PTPRD: variants seen among roughly 807,000 people sequenced by gnomAD.
PTPRD encodes protein tyrosine phosphatase receptor type D.
In PTPRD, 34 loss-of-function variants were observed where a neutral mutation model predicts 214.5. The observed-to-expected ratio is 0.16, with a 90% CI of 0.12 to 0.21. The LOEUF is 0.21. Among genes scored for constraint, PTPRD ranks in the 10% least tolerant of loss-of-function variants. The pLI is 1.00. For missense variants in PTPRD, 2,545 were observed against 2,398.7 expected (o/e 1.06, Z -1.27); for synonymous variants, 1,128 against 845.7 (o/e 1.33, Z -5.79).
intron 8 of PTPRD, among the ~76,000 whole-genome samples, chr9:9,571,317 TTC>T (rs1453709407): frequency 1.3e-5 from 2 of 151,362 alleles, no homozygotes; most frequent in African/African-American, 4.8e-5. Flanking sequence ...TCTCTCTCTC[TTC>T]TCTCTCTATA....
chr9:8,834,632 A>C (rs2097372884), intron 11 of PTPRD, among the ~76,000 whole-genome samples: 2 of 152,198 alleles, frequency 1.3e-5, no homozygotes, highest in African/African-American at 4.8e-5. Context: ...TGTTCACAGC[A>C]ATAGTATGAG....
intron 2 of PTPRD, among the ~76,000 whole-genome samples, chr9:10,526,180 A>G (rs1480630396): frequency 1.3e-5 from 2 of 152,204 alleles, no homozygotes; most frequent in East Asian, 3.9e-4. Context: ...GTCAATACCA[A>G]CTAAGTCTTT....
chr9:9,942,980 G>C (rs2091876581), intron 4 of PTPRD, among the ~76,000 whole-genome samples: 1 of 150,776 alleles, frequency 6.6e-6, no homozygotes, highest in Non-Finnish European at 1.5e-5. Context: ...CGGTGCCACA[G>C]TGCCCTCTGG....
intron 2 of PTPRD, among the ~76,000 whole-genome samples, chr9:10,504,341 C>A (rs550647961): frequency 1.4e-4 from 21 of 151,980 alleles, no homozygotes; most frequent in Middle Eastern, 3.4e-3. Flanking sequence ...ATTTAAATAT[C>A]TAGATTAAAT....
Position 8,436,467 on chromosome 9 carries a change from T to C in PTPRD, c.4086+125A>G, listed in dbSNP as rs757382522. The stretch of plus-strand genomic sequence containing the variant: ...TTAAGTTGACGGTTCATTATACATT[T>C]TTATATCATATTTGAGTCATATTTA... On this transcript the variant is annotated intron_variant, in intron 35 of 45. Transcript: ENST00000381196. 2.5e-5 allele frequency: 17 copies of C among 675,286 alleles called. No homozygotes were observed. In the African/African-American group the frequency reaches 3.1e-4, roughly 12 times the overall value. The allele number at this position is 675,286 out of a possible 1,614,324, so 41.8% of individuals were successfully genotyped here.
chr9:10,172,791 C>T (rs73641863), intron 3 of PTPRD, among the ~76,000 whole-genome samples: 4,629 of 152,244 alleles, frequency 0.03, 234 homozygotes, highest in African/African-American at 0.11. Context: ...GGCCACTTAG[C>T]ATTCAGTGTT....
chr9:10,524,378 G>C (rs1290495534), intron 2 of PTPRD, among the ~76,000 whole-genome samples: 1 of 152,008 alleles, frequency 6.6e-6, no homozygotes, highest in East Asian at 1.9e-4. Context: ...TTTATTACTA[G>C]TTTTATTTTT....
chr9:10,482,049 A>G (rs191325011), intron 2 of PTPRD, among the ~76,000 whole-genome samples: 13 of 152,294 alleles, frequency 8.5e-5, no homozygotes, highest in Non-Finnish European at 1.2e-4. Context: ...AAAAGTGAAT[A>G]AAAATAAAAT....
At chr9:10,133,000 C>T (rs2098910797) in intron 3 of PTPRD, among the ~76,000 whole-genome samples, 1 of 152,064 alleles carries the variant, frequency 6.6e-6, no homozygotes, top group South Asian at 2.1e-4. Context: ...TCTTTCATGC[C>T]CTCTCGTTAC....
chr9:10,364,306 C>G (rs576697737), intron 2 of PTPRD, among the ~76,000 whole-genome samples: 71 of 151,960 alleles, frequency 4.7e-4, no homozygotes, highest in African/African-American at 1.7e-3. Context: ...CAGTCTATTA[C>G]CTCCACGTTT....
At chr9:8,834,402 C>T (rs1306253046) in intron 11 of PTPRD, among the ~76,000 whole-genome samples, 1 of 146,108 alleles carries the variant, frequency 6.8e-6, no homozygotes, top group Non-Finnish European at 1.5e-5. Flanking sequence ...AATTCAGCAC[C>T]TATACAAAAA....
intron 2 of PTPRD, among the ~76,000 whole-genome samples, chr9:10,585,361 C>T (rs1222644256): frequency 1.3e-5 from 2 of 151,994 alleles, no homozygotes; most frequent in East Asian, 3.9e-4. Flanking sequence ...CTTTTACATG[C>T]TCTTCTAAAT....
At chr9:8,817,968 T>G (rs999649088) in intron 11 of PTPRD, among the ~76,000 whole-genome samples, 1 of 152,180 alleles carries the variant, frequency 6.6e-6, no homozygotes, top group African/African-American at 2.4e-5. Flanking sequence ...ATCAATACCA[T>G]TAAACATAAA....
intron 26 of PTPRD, among the ~76,000 whole-genome samples, chr9:8,494,371 G>T (rs1255108817): frequency 6.6e-6 from 1 of 152,176 alleles, no homozygotes; most frequent in Admixed American, 6.5e-5. Flanking sequence ...CAGATAAATG[G>T]ACTATTTGGG....
Position 9,573,904 on chromosome 9 carries a change from T to G in PTPRD, c.-237+828A>C, listed in dbSNP as rs79322815. On this transcript the variant is annotated intron_variant, in intron 8 of 45. Transcript: ENST00000381196. ...TCTTTTTCAAGATACATTGCAATAA[T>G]GCTATATGCCCAAATAGGAGTTTTA... Among the ~76,000 whole-genome samples, 42 of 151,968 alleles carry G rather than the reference T, an allele frequency of 2.8e-4. No individual in the cohort carries two copies. In the East Asian group the frequency reaches 3.5e-3, roughly 13 times the overall value.
intron 3 of PTPRD, among the ~76,000 whole-genome samples, chr9:10,273,760 T>A (rs977318343): frequency 6.6e-6 from 1 of 152,130 alleles, no homozygotes; most frequent in Non-Finnish European, 1.5e-5. Flanking sequence ...CAGTATTAAA[T>A]GTCACAGTGT....
intron 44 of PTPRD, among the ~76,000 whole-genome samples, chr9:8,324,032 C>G (rs1336871136): frequency 2.0e-5 from 3 of 151,700 alleles, no homozygotes; most frequent in Non-Finnish European, 4.4e-5. Flanking sequence ...CAGCAGCCAT[C>G]AAAATAGAGG....
chr9:10,402,945 G>A (rs1040018524), intron 2 of PTPRD, among the ~76,000 whole-genome samples: 1 of 151,112 alleles, frequency 6.6e-6, no homozygotes, highest in Non-Finnish European at 1.5e-5. Flanking sequence ...TGCTTCTTTC[G>A]CTTTTCACCG....
At chr9:9,828,490 G>A (rs796389994) in intron 5 of PTPRD, among the ~76,000 whole-genome samples, 10 of 152,098 alleles carry the variant, frequency 6.6e-5, no homozygotes, top group African/African-American at 7.2e-5. Context: ...ATCACACACC[G>A]GGGTCTGTTG....
Sources: allele counts gnomAD v4.1 joint callset (sites outside exome capture counted in the v4.1 genomes callset), GRCh38; gene constraint gnomAD v4.1.1; transcripts MANE v1.5; gene names NCBI Gene and HGNC (gene_info 2026-07-23, HGNC 2026-07-21).